The following MAP2K5 variants were observed in gnomAD, a reference collection of about 807,000 sequenced individuals.
The protein encoded by MAP2K5 is mitogen-activated protein kinase kinase 5.
In MAP2K5, 49 loss-of-function variants were observed where a neutral mutation model predicts 83.1. The observed-to-expected ratio is 0.59, with a 90% CI of 0.47 to 0.75. The LOEUF (loss-of-function observed/expected upper bound fraction) is 0.75. Ranked by LOEUF, MAP2K5 falls within the 30% of genes least tolerant of loss-of-function variation. The probability of loss-of-function intolerance (pLI) is 0.00; values close to 1 mark genes in which losing one functional copy is unlikely to be tolerated. For synonymous variants in MAP2K5, 202 were observed against 191.8 expected, an observed-to-expected ratio of 1.05 and a Z score of -0.44; for missense variants, 457 against 557.5, an observed-to-expected ratio of 0.82 and a Z score of 1.82.
chr15:67,617,298 C>G (rs980651119), intron 8 of MAP2K5, among the ~76,000 whole-genome samples: 1 of 152,132 alleles, frequency 6.6e-6, no homozygotes, highest in African/African-American at 2.4e-5. Flanking sequence ...AGCACATATG[C>G]TCCCTATTAT....
chr15:67,775,465 A>T lies in MAP2K5; in HGVS notation c.1242+2713A>T, dbSNP rs1022375483. ...CATCAGAAGTGCTCTCAAAAGTTTTATCAGCATCTGCATCATCCTAAGAGA... is the reference window on the plus strand; with the variant it reads ...CATCAGAAGTGCTCTCAAAAGTTTTTTCAGCATCTGCATCATCCTAAGAGA... On this transcript the variant is annotated intron_variant, in intron 21 of 21. Coordinates refer to ENST00000178640, the MANE Select transcript of MAP2K5 (RefSeq NM_145160.3). The surrounding 1 kb of genome is among the most constrained non-coding windows in gnomAD (Gnocchi z 5.3). Among the ~76,000 whole-genome samples, 5 of 152,260 alleles carry T rather than the reference A, an allele frequency of 3.3e-5. No homozygotes were observed. The South Asian group carries it at 1.0e-3, about 32-fold the overall frequency.
intron 8 of MAP2K5, among the ~76,000 whole-genome samples, chr15:67,620,064 T>C (rs1224451779): frequency 1.3e-5 from 2 of 152,150 alleles, no homozygotes; most frequent in African/African-American, 4.8e-5. Context: ...AGTAAGACCC[T>C]GTTGCTTAAA....
At chr15:67,704,548 A>G (rs528561708) in intron 16 of MAP2K5, among the ~76,000 whole-genome samples, 4 of 152,288 alleles carry the variant, frequency 2.6e-5, no homozygotes, top group African/African-American at 9.6e-5. Flanking sequence ...TAATCTTCAA[A>G]CTCAATTCAC....
chr15:67,645,385 G>A (rs2086808485), intron 9 of MAP2K5, among the ~76,000 whole-genome samples: 1 of 150,036 alleles, frequency 6.7e-6, no homozygotes, highest in African/African-American at 2.5e-5. Context: ...GGCTGAGGTG[G>A]GAGGTTTGTT....
At chr15:67,771,708 TA>T (rs1749423039) in intron 20 of MAP2K5, among the ~76,000 whole-genome samples, 1 of 152,222 alleles carries the variant, frequency 6.6e-6, no homozygotes, top group South Asian at 2.1e-4. Flanking sequence ...TCGATGTCAT[TA>T]ATGGTTCATA....
rs1209067140 is a variant in MAP2K5 at position 67,644,963 on chromosome 15, CATG to C, written c.586-1267_586-1265del. ...AGGAGTTCAAGACCAGCCTGGCCAA[CATG>C]GTGAAACCCCATCTCTACTAAAAAT... On this transcript the variant is annotated intron_variant, in intron 9 of 21. Transcript: ENST00000178640. The surrounding 1 kb of genome is among the most constrained non-coding windows in gnomAD (Gnocchi z 4.6). 6.6e-6 allele frequency among the ~76,000 whole-genome samples: 1 copy of C among 151,878 alleles called. No individual in the cohort carries two copies. Among genetic ancestry groups the C allele is most frequent in the Non-Finnish European group, 1.5e-5 (1 of 67,982 alleles).
At position 67,764,513 on chromosome 15, in the gene MAP2K5, T is replaced by C. The variant is rs1336396566; in HGVS notation, c.1135-5089T>C. 2.0e-5 allele frequency among the ~76,000 whole-genome samples: 3 copies of C among 152,160 alleles called. No individual in the cohort carries two copies. The highest frequency in any genetic ancestry group is 4.4e-5 in the Non-Finnish European group (3 of 68,022). ...TTGGCAGTCTCACGTGGCCACTTCCTCCATCCTGCAGGGCTGGTTATTAGG... is the reference window on the plus strand; with the variant it reads ...TTGGCAGTCTCACGTGGCCACTTCCCCCATCCTGCAGGGCTGGTTATTAGG... On this transcript the variant is annotated intron_variant, in intron 19 of 21. Coordinates refer to ENST00000178640, the MANE Select transcript of MAP2K5 (RefSeq NM_145160.3). The surrounding 1 kb of genome is among the most constrained non-coding windows in gnomAD (Gnocchi z 4.9).
chr15:67,674,352 C>T (rs1439142245), intron 13 of MAP2K5, among the ~76,000 whole-genome samples: 2 of 152,056 alleles, frequency 1.3e-5, no homozygotes, highest in African/African-American at 4.8e-5. Flanking sequence ...GTTGAGAGCA[C>T]AGTTAACATC....
At chr15:67,703,429 C>A in intron 16 of MAP2K5, 21 bp downstream of exon 16, 1 of 1,585,220 alleles carries the variant, frequency 6.3e-7, no homozygotes, top group Non-Finnish European at 8.7e-7. Flanking sequence ...TGCACATAGA[C>A]GCTTCTGTGC....
At chr15:67,592,133 A>AAAAAAAAAAAAAT (rs1184395146) in intron 6 of MAP2K5, among the ~76,000 whole-genome samples, 1 of 151,462 alleles carries the variant, frequency 6.6e-6, no homozygotes. Context: ...AAAAAAAAAA[A>AAAAAAAAAAAAAT]AAGGACTTTC....
chr15:67,641,278 A>G (rs1359743336), intron 9 of MAP2K5, among the ~76,000 whole-genome samples: 1 of 152,198 alleles, frequency 6.6e-6, no homozygotes, highest in Non-Finnish European at 1.5e-5. Flanking sequence ...CTAGCATTTA[A>G]ATGGACCATT....
intron 21 of MAP2K5, among the ~76,000 whole-genome samples, chr15:67,784,708 C>G (rs2090387194): frequency 6.6e-6 from 1 of 152,194 alleles, no homozygotes; most frequent in Non-Finnish European, 1.5e-5. Context: ...ATCATTGTTT[C>G]TTTGGTTTTG....
intron 13 of MAP2K5, among the ~76,000 whole-genome samples, chr15:67,687,173 T>C (rs1054463632): frequency 6.6e-6 from 1 of 152,206 alleles, no homozygotes; most frequent in Non-Finnish European, 1.5e-5. Flanking sequence ...CTTCAGATAT[T>C]CTGAACTTTT....
chr15:67,610,056 A>G (rs1445269315), intron 8 of MAP2K5, among the ~76,000 whole-genome samples: 1 of 152,208 alleles, frequency 6.6e-6, no homozygotes, highest in African/African-American at 2.4e-5. Context: ...GGCATGCCCA[A>G]GATCAAGTCA....
At chr15:67,776,912 G>A (rs1213580758) in intron 21 of MAP2K5, among the ~76,000 whole-genome samples, 1 of 152,182 alleles carries the variant, frequency 6.6e-6, no homozygotes, top group South Asian at 2.1e-4. Flanking sequence ...AACCGAGGGG[G>A]CAGCCCTTGA....
Position 67,692,551 on chromosome 15 carries a change from A to G in MAP2K5, c.920A>G (p.Gln307Arg). The G allele has an allele frequency of 6.2e-7, 1 of 1,611,126 alleles. No homozygotes were observed. The part of the protein sequence containing the change: ...VKLCDFGVST[Q>R]LVNSIAKTYV... The stretch of plus-strand genomic sequence containing the variant: ...CTGTGTGATTTTGGAGTTAGCACTC[A>G]GGTATGTCTCTTTTCCTCCCAGTGT... The change falls in exon 14 of 22, where the codon CAG becomes CGG. Residue 307 changes from glutamine (Q) to arginine (R), a missense_variant and splice_region_variant. Around this residue, in one of 3 missense-constraint regions of MAP2K5, gnomAD observed 168 missense variants for 263.0 expected, o/e 0.64. Transcript: ENST00000178640.
chr15:67,788,389 G>A (rs986129541), intron 21 of MAP2K5, among the ~76,000 whole-genome samples: 3 of 152,100 alleles, frequency 2.0e-5, no homozygotes, highest in African/African-American at 7.2e-5. Context: ...GTAGCCTCAG[G>A]CTGTCTTAAG....
At position 67,550,069 on chromosome 15, in the gene MAP2K5, T is replaced by C. The variant is rs900639464; in HGVS notation, c.171T>C (p.Thr57=). The change falls in exon 2 of 22, where the codon ACT becomes ACC. Residue 57 remains threonine (T), a synonymous_variant. Coordinates refer to ENST00000178640, the MANE Select transcript of MAP2K5 (RefSeq NM_145160.3). Reference sequence around the variant, plus strand: ...GCCAGGTTCTGCCTGAAGCAACAACTACAGCATTTGAATGTAAGTCTGGCT... The same window carrying C: ...GCCAGGTTCTGCCTGAAGCAACAACCACAGCATTTGAATGTAAGTCTGGCT... ...VIGQVLPEAT[T]TAFEYEDEDG... 5 of 1,613,644 alleles carry C rather than the reference T, an allele frequency of 3.1e-6. No individual in the cohort carries two copies. The highest frequency in any genetic ancestry group is 4.2e-6 in the Non-Finnish European group (5 of 1,179,602).
intron 9 of MAP2K5, chr15:67,642,450 C>T (rs760909607): frequency 3.1e-6 from 5 of 1,611,086 alleles, no homozygotes; most frequent in Non-Finnish European, 4.2e-6. Context: ...GCAGAATGTA[C>T]ATATTGAGGG....
Sources: allele counts gnomAD v4.1 joint callset (sites outside exome capture counted in the v4.1 genomes callset), GRCh38; gene constraint gnomAD v4.1.1; regional missense constraint gnomAD v4.1.1; non-coding constraint Gnocchi (gnomAD v3.1); transcripts MANE v1.5; gene names NCBI Gene and HGNC (gene_info 2026-07-23, HGNC 2026-07-21).